Variants in CLASP2 observed in about 807,000 individuals in gnomAD.
CLASP2 encodes the protein cytoplasmic linker associated protein 2.
In CLASP2, 47 loss-of-function variants were observed where a neutral mutation model predicts 194.4. The ratio of observed to expected loss-of-function variants is 0.24; its 90% CI spans 0.19 to 0.31. The LOEUF (loss-of-function observed/expected upper bound fraction) is 0.31, where lower values mean the gene tolerates loss of function less well. CLASP2 is among the 10% of genes least tolerant of loss of function. The pLI, the probability that CLASP2 is intolerant of heterozygous loss-of-function variation, is 1.00. For synonymous variants in CLASP2, 619 were observed against 633.5 expected, an observed-to-expected ratio of 0.98 and a Z score of 0.34; for missense variants, 1,445 against 1,823.6, an observed-to-expected ratio of 0.79 and a Z score of 3.78.
intron 6 of CLASP2, among the ~76,000 whole-genome samples, chr3:33,675,916 G>C (rs1337721450): frequency 2.6e-5 from 4 of 150,962 alleles, no homozygotes; most frequent in Admixed American, 2.0e-4. Context: ...ACAAACCACT[G>C]CTCAATGAAA....
chr3:33,718,055 G>C lies in CLASP2; in HGVS notation c.-53C>G. The C allele has an allele frequency of 1.4e-6, 2 of 1,437,410 alleles. No individual in the cohort carries two copies. Among genetic ancestry groups the C allele is most frequent in the South Asian group, 1.5e-5 (1 of 68,414 alleles). 89.0% of individuals were successfully genotyped at this position (1,437,410 alleles called of 1,614,324 possible). A position where few individuals can be genotyped will look rare whatever the true frequency, so the allele number is the denominator to read the frequency against. On this transcript the variant is annotated 5_prime_UTR_variant, in exon 1 of 39. Coordinates refer to ENST00000682230, the MANE Select transcript of CLASP2 (RefSeq NM_001365631.1). ...TCTGTGAGCGGCCAACTTTCGCCGA[G>C]AGCCGCCCAGCCTCCAGTGCGGGTC... is the stretch of plus-strand genomic sequence containing the variant.
chr3:33,693,548 G>A (rs893421107), intron 2 of CLASP2, among the ~76,000 whole-genome samples: 2 of 152,160 alleles, frequency 1.3e-5, no homozygotes, highest in Non-Finnish European at 2.9e-5. Context: ...GAGCACATAG[G>A]TATGCTGCCA....
At chr3:33,553,828 T>A (rs559754243) in intron 29 of CLASP2, among the ~76,000 whole-genome samples, 9 of 152,334 alleles carry the variant, frequency 5.9e-5, no homozygotes, top group Non-Finnish European at 1.2e-4. Context: ...AACTGCCATA[T>A]GATCCAGCAT....
At chr3:33,579,090 C>T (rs1229283546) in intron 23 of CLASP2, among the ~76,000 whole-genome samples, 3 of 152,140 alleles carry the variant, frequency 2.0e-5, no homozygotes, top group African/African-American at 7.2e-5. Flanking sequence ...CCCTGCAAAA[C>T]AAACAGGGCT....
intron 27 of CLASP2, chr3:33,563,919 T>C (rs1201266781): frequency 2.2e-6 from 1 of 456,206 alleles, no homozygotes; most frequent in Non-Finnish European, 4.4e-6. Context: ...CCACCCTGAT[T>C]TCCTAACACA....
chr3:33,584,427 C>G (rs1442306663), intron 22 of CLASP2, among the ~76,000 whole-genome samples: 3 of 151,326 alleles, frequency 2.0e-5, no homozygotes, highest in Admixed American at 6.6e-5. Context: ...CATGCACCAC[C>G]ATGCCTGGCT....
chr3:33,626,721 A>G (rs2154287575), intron 10 of CLASP2, among the ~76,000 whole-genome samples: 1 of 152,234 alleles, frequency 6.6e-6, no homozygotes, highest in East Asian at 1.9e-4. Flanking sequence ...TGAATCTCAC[A>G]TTTTACTAAC....
intron 3 of CLASP2, chr3:33,689,624 A>T (rs542024812): frequency 1.3e-4 from 46 of 351,768 alleles, no homozygotes; most frequent in Middle Eastern, 8.2e-4. Flanking sequence ...GTTAGCTTTT[A>T]AAAAAAAAGC....
chr3:33,658,955 A>G, intron 7 of CLASP2: 1 of 1,531,560 alleles, frequency 6.5e-7, no homozygotes, highest in Non-Finnish European at 8.8e-7. Flanking sequence ...GCAAAAGAAG[A>G]AAAATAAATC....
intron 6 of CLASP2, among the ~76,000 whole-genome samples, chr3:33,665,457 GACAC>G (rs2086027216): frequency 6.6e-6 from 1 of 152,112 alleles, no homozygotes; most frequent in Non-Finnish European, 1.5e-5. Flanking sequence ...GGCTAAGAAA[GACAC>G]ACAGAGTAGA....
At chr3:33,584,491 C>G (rs1560156357) in intron 22 of CLASP2, among the ~76,000 whole-genome samples, 1 of 151,496 alleles carries the variant, frequency 6.6e-6, no homozygotes, top group South Asian at 2.1e-4. Context: ...GTCTCAAACT[C>G]CTGACCTCAA....
intron 8 of CLASP2, among the ~76,000 whole-genome samples, chr3:33,643,059 G>A (rs1309943924): frequency 1.3e-5 from 2 of 151,832 alleles, no homozygotes; most frequent in Non-Finnish European, 2.9e-5. Context: ...GGTAGGAATA[G>A]AAACTACAAG....
At chr3:33,524,998 C>T (rs368075053) in intron 34 of CLASP2, among the ~76,000 whole-genome samples, 2 of 152,268 alleles carry the variant, frequency 1.3e-5, no homozygotes, top group African/African-American at 4.8e-5. Flanking sequence ...GCACACAGGA[C>T]ATTTTCCAAT....
intron 2 of CLASP2, among the ~76,000 whole-genome samples, chr3:33,691,486 T>C (rs2091345929): frequency 6.6e-6 from 1 of 152,142 alleles, no homozygotes; most frequent in South Asian, 2.1e-4. Context: ...TGGAAAGATA[T>C]TAAGCTTAAT....
intron 26 of CLASP2, among the ~76,000 whole-genome samples, chr3:33,567,189 A>C (rs1490190922): frequency 1.3e-5 from 2 of 152,204 alleles, no homozygotes; most frequent in Non-Finnish European, 2.9e-5. Context: ...CACAAGTTAA[A>C]ATATTTCTGT....
At position 33,627,073 on chromosome 3, in the gene CLASP2, G is replaced by A. The variant is rs976613437; in HGVS notation, c.950C>T (p.Ser317Phe). Reference protein sequence around the residue: ...FTDVPSIQIYSSRELEETLNK... With the variant: ...FTDVPSIQIYFSRELEETLNK... Reference sequence around the variant, plus strand: ...TAATGTTTCTTCGAGTTCTCGACTAGAATAAATCTTAAAAAAAAGATTCAG... The same window carrying A: ...TAATGTTTCTTCGAGTTCTCGACTAAAATAAATCTTAAAAAAAAGATTCAG... The change falls in exon 10 of 39, where the codon TCT becomes TTT. Residue 317 changes from serine (S) to phenylalanine (F), a missense_variant. By Grantham distance (155) the Ser-to-Phe change is radical. Transcript: ENST00000682230. 2 of 1,515,592 alleles carry A rather than the reference G, an allele frequency of 1.3e-6. No homozygotes were observed. Among genetic ancestry groups the A allele is most frequent in the South Asian group, 2.4e-5 (2 of 83,086 alleles). The allele number at this position is 1,515,592 out of a possible 1,614,324, so 93.9% of individuals were successfully genotyped here. A position where few individuals can be genotyped will look rare whatever the true frequency, so the allele number is the denominator to read the frequency against.
intron 32 of CLASP2, among the ~76,000 whole-genome samples, chr3:33,543,190 TG>T (rs2058647295): frequency 6.6e-6 from 1 of 152,124 alleles, no homozygotes; most frequent in South Asian, 2.1e-4. Flanking sequence ...CTGGCCAACA[TG>T]GTGAAACCCT....
intron 2 of CLASP2, among the ~76,000 whole-genome samples, chr3:33,692,772 T>A (rs1313041105): frequency 6.6e-6 from 1 of 152,198 alleles, no homozygotes; most frequent in Non-Finnish European, 1.5e-5. Context: ...CAGAACAGAA[T>A]TTTTCACTCA....
intron 13 of CLASP2, among the ~76,000 whole-genome samples, chr3:33,609,941 T>G (rs527314866): frequency 6.6e-6 from 1 of 152,304 alleles, no homozygotes; most frequent in East Asian, 1.9e-4. Context: ...GAGTTAAACT[T>G]AAACCTTGGC....
Sources: allele counts gnomAD v4.1 joint callset (sites outside exome capture counted in the v4.1 genomes callset), GRCh38; gene constraint gnomAD v4.1.1; transcripts MANE v1.5; gene names NCBI Gene and HGNC (gene_info 2026-07-23, HGNC 2026-07-21).